Variants in IFNGR2 observed in about 807,000 individuals in gnomAD.
The protein encoded by IFNGR2 is interferon gamma receptor 2.
A neutral mutation model predicts 41.1 loss-of-function variants in IFNGR2; 15 were observed. That is an observed-to-expected ratio of 0.37 (90% CI 0.24 to 0.56). The LOEUF is 0.56. Among genes scored for constraint, IFNGR2 ranks in the 20% least tolerant of loss-of-function variants. IFNGR2 has a pLI of 0.81. For missense variants in IFNGR2, 362 were observed against 415.7 expected (o/e 0.87, Z 1.12); for synonymous variants, 161 against 171.6 (o/e 0.94, Z 0.48).
At chr21:33,405,391 G>T (rs534559799) in intron 1 of IFNGR2, among the ~76,000 whole-genome samples, 1 of 152,244 alleles carries the variant, frequency 6.6e-6, no homozygotes, top group African/African-American at 2.4e-5. Flanking sequence ...CTTTTCCATG[G>T]GAGTCAGACA....
chr21:33,410,733 G>A (rs1438168953), intron 1 of IFNGR2: 1 of 786,080 alleles, frequency 1.3e-6, no homozygotes, highest in Non-Finnish European at 2.2e-6. Context: ...CTCCCTAAGT[G>A]CTGGGATTAC....
chr21:33,429,315 A>C (rs529538416), intron 4 of IFNGR2, among the ~76,000 whole-genome samples: 68 of 148,236 alleles, frequency 4.6e-4, no homozygotes, highest in African/African-American at 1.4e-3. Flanking sequence ...CGCTCAAAGG[A>C]CTCCCAGGAC....
intron 1 of IFNGR2, among the ~76,000 whole-genome samples, chr21:33,404,833 AAAACC>A (rs1480467949): frequency 6.6e-6 from 1 of 152,172 alleles, no homozygotes; most frequent in African/African-American, 2.4e-5. Flanking sequence ...GCCAAACATA[AAAACC>A]AAAAGAAACC....
intron 5 of IFNGR2, 102 bp downstream of exon 5, chr21:33,432,438 G>A (rs1365024170): frequency 8.8e-7 from 1 of 1,130,652 alleles, no homozygotes; most frequent in Non-Finnish European, 1.3e-6. Context: ...TGGGAGTGGG[G>A]AGACCCAGTG....
intron 2 of IFNGR2, among the ~76,000 whole-genome samples, chr21:33,419,860 G>A (rs780133391): frequency 1.3e-5 from 2 of 152,312 alleles, no homozygotes; most frequent in Middle Eastern, 6.8e-3. Context: ...GGGTTTGGGG[G>A]AGCAGGCCCT....
chr21:33,419,338 C>T, intron 2 of IFNGR2, among the ~76,000 whole-genome samples: 1 of 152,130 alleles, frequency 6.6e-6, no homozygotes, highest in Non-Finnish European at 1.5e-5. Flanking sequence ...GAACTCCTCA[C>T]CTGAAGTGAT....
chr21:33,429,252 C>G (rs944950597), intron 4 of IFNGR2, among the ~76,000 whole-genome samples: 3 of 152,076 alleles, frequency 2.0e-5, no homozygotes, highest in African/African-American at 7.2e-5. Flanking sequence ...CCAATGTGAT[C>G]TTTGTTCCAG....
chr21:33,409,595 T>A (rs2123331421), intron 1 of IFNGR2, among the ~76,000 whole-genome samples: 1 of 152,298 alleles, frequency 6.6e-6, no homozygotes, highest in East Asian at 1.9e-4. Context: ...TTGAAGGATT[T>A]TCAGCTTACT....
chr21:33,437,253 T>A lies in IFNGR2; in HGVS notation c.*291T>A, dbSNP rs182759952. On this transcript the variant is annotated 3_prime_UTR_variant, in exon 7 of 7. Transcript: ENST00000290219. ...TGTAATTGCTTGTTAGCAAAATGGA[T>A]ATGACACATCTCTGATACTTTTTTC... 5.3e-6 allele frequency: 2 copies of A among 377,202 alleles called. No individual in the cohort carries two copies. The highest frequency in any genetic ancestry group is 1.2e-4 in the East Asian group (2 of 17,182). 23.4% of individuals were successfully genotyped at this position (377,202 alleles called of 1,614,324 possible). A position where few individuals can be genotyped will look rare whatever the true frequency, so the allele number is the denominator to read the frequency against.
At chr21:33,435,882 C>CA (rs35251279) in intron 6 of IFNGR2, among the ~76,000 whole-genome samples, 22,541 of 48,394 alleles carry the variant, frequency 0.47, 5,587 homozygotes, top group Middle Eastern at 0.5. Flanking sequence ...GACTCCGTCT[C>CA]AAAAAAAAAA....
intron 3 of IFNGR2, among the ~76,000 whole-genome samples, chr21:33,426,047 T>C (rs1458544032): frequency 2.0e-5 from 3 of 152,236 alleles, no homozygotes; most frequent in Non-Finnish European, 4.4e-5. Flanking sequence ...TGAGTCACAG[T>C]CCTAGCCTGA....
rs551416530 is a variant in IFNGR2, at chr21:33,429,408, G to A, written c.561+2376G>A. 3.0e-4 allele frequency among the ~76,000 whole-genome samples: 45 copies of A among 152,174 alleles called. No individual in the cohort carries two copies. The East Asian group carries it at 3.7e-3, about 12-fold the overall frequency. On this transcript the variant is annotated intron_variant, in intron 4 of 6. Coordinates refer to ENST00000290219, the MANE Select transcript of IFNGR2 (RefSeq NM_005534.4). ...GGGTAGAGTGCAGTGCCACAATCTC[G>A]GCTCACGGGTTCAAGAGATTTTCCT...
At chr21:33,430,852 CAT>C (rs2123365482) in intron 4 of IFNGR2, among the ~76,000 whole-genome samples, 1 of 152,310 alleles carries the variant, frequency 6.6e-6, no homozygotes, top group African/African-American at 2.4e-5. Context: ...TGTTTTCAAG[CAT>C]ATGTTATACC....
intron 6 of IFNGR2, among the ~76,000 whole-genome samples, chr21:33,433,077 G>C (rs1198460417): frequency 1.3e-5 from 2 of 152,046 alleles, no homozygotes; most frequent in Non-Finnish European, 2.9e-5. Context: ...GTAGAAACAG[G>C]GTTTTGCTAT....
intron 4 of IFNGR2, among the ~76,000 whole-genome samples, chr21:33,427,415 ATGTT>A (rs1345060941): frequency 6.6e-6 from 1 of 152,170 alleles, no homozygotes; most frequent in African/African-American, 2.4e-5. Flanking sequence ...AACTGTATAA[ATGTT>A]TGAACAGTTT....
At chr21:33,412,578 C>T (rs1162565086) in intron 1 of IFNGR2, among the ~76,000 whole-genome samples, 1 of 152,092 alleles carries the variant, frequency 6.6e-6, no homozygotes, top group Non-Finnish European at 1.5e-5. Flanking sequence ...ATTTTTGAGA[C>T]GGAGTGCCGC....
Position 33,426,970 on chromosome 21 carries a change from G to T in IFNGR2, c.499G>T (p.Asp167Tyr), listed in dbSNP as rs1434106813. 1.9e-6 allele frequency: 3 copies of T among 1,613,676 alleles called. No homozygotes were observed. Among genetic ancestry groups the T allele is most frequent in the Non-Finnish European group, 2.5e-6 (3 of 1,179,746 alleles). ...GTTCTCCTCTCCCTTTGACATCGCTGATACCTCCACGGCCTTTTTTTGTTA... is the reference window on the plus strand; with the variant it reads ...GTTCTCCTCTCCCTTTGACATCGCTTATACCTCCACGGCCTTTTTTTGTTA... ...IRFSSPFDIA[D>Y]TSTAFFCYYV... is the part of the protein sequence containing the mutation. Residue 167 changes from aspartate (D) to tyrosine (Y), a missense_variant, in exon 4 of 7, where the codon GAT becomes TAT. By Grantham distance (160) the Asp-to-Tyr change is radical (BLOSUM62 -3). Coordinates refer to ENST00000290219, the MANE Select transcript of IFNGR2 (RefSeq NM_005534.4).
At chr21:33,434,912 CA>C (rs1169590822) in intron 6 of IFNGR2, among the ~76,000 whole-genome samples, 1 of 152,130 alleles carries the variant, frequency 6.6e-6, no homozygotes, top group African/African-American at 2.4e-5. Context: ...GAGACATGAA[CA>C]GAAAACACAG....
chr21:33,428,687 A>T lies in IFNGR2; in HGVS notation c.561+1655A>T, dbSNP rs557767406. ...GAGCCTGGCAGAATCCAGAAGAGAG[A>T]CTCTGCCTCTTCCAAGTCTGTCCTC... On this transcript the variant is annotated intron_variant, in intron 4 of 6. Transcript: ENST00000290219. Among the ~76,000 whole-genome samples the T allele has an allele frequency of 3.3e-5, 5 of 152,114 alleles. No individual in the cohort carries two copies. The South Asian group carries it at 1.0e-3, about 32-fold the overall frequency.
Sources: gnomAD v4.1 joint callset for allele counts (sites outside exome capture counted in the v4.1 genomes callset) on GRCh38, gnomAD v4.1.1 for gene constraint, MANE v1.5 for transcripts, NCBI Gene and HGNC (gene_info 2026-07-23, HGNC 2026-07-21) for gene names.